RB1: variants seen among roughly 807,000 people sequenced by gnomAD.
The protein encoded by RB1 is retinoblastoma-associated protein.
Under a neutral mutation model 135.4 loss-of-function variants are expected in RB1, and 18 were observed. The observed-to-expected ratio is 0.13, with a 90% CI of 0.09 to 0.20. The LOEUF is 0.20. RB1 is among the 10% of genes least tolerant of loss of function. The pLI is 1.00. For synonymous variants in RB1, 365 were observed against 373.2 expected (o/e 0.98, Z 0.25); for missense variants, 868 against 1,110.0 (o/e 0.78, Z 3.10).
chr13:48,477,867 T>A (rs1949513514), intron 26 of RB1, among the ~76,000 whole-genome samples: 1 of 152,190 alleles, frequency 6.6e-6, no homozygotes. Flanking sequence ...TTTCCATTAC[T>A]GGAAATCAGA....
intron 23 of RB1, among the ~76,000 whole-genome samples, chr13:48,465,918 A>G (rs544187327): frequency 2.7e-5 from 4 of 147,786 alleles, no homozygotes; most frequent in South Asian, 2.3e-4. Context: ...CGCCCACGGA[A>G]TCTCGCTGAT....
intron 17 of RB1, among the ~76,000 whole-genome samples, chr13:48,395,468 G>C (rs894317154): frequency 1.3e-5 from 2 of 152,088 alleles, no homozygotes; most frequent in Admixed American, 6.5e-5. Context: ...ATGCAAGGAA[G>C]CTAAGAACTT....
Position 48,349,006 on chromosome 13 carries a change from C to T in RB1, c.590C>T (p.Thr197Ile). The T allele has an allele frequency of 6.3e-7, 1 of 1,598,828 alleles. No individual in the cohort carries two copies. The highest frequency in any genetic ancestry group is 8.5e-7 in the Non-Finnish European group (1 of 1,170,134). Residue 197 changes from threonine to isoleucine, a missense_variant, in exon 6 of 27, where the codon ACA becomes ATA. Thr to Ile is a moderately conservative substitution (Grantham distance 89). Around this residue, in one of 3 missense-constraint regions of RB1, gnomAD observed 641 missense variants for 791.3 expected, o/e 0.81. Coordinates refer to ENST00000267163, the MANE Select transcript of RB1 (RefSeq NM_000321.3). The part of the protein sequence containing the change: ...SALVLKVSWI[T>I]FLLAKGEVLQ... Reference sequence around the variant, plus strand: ...TTGGTGCTAAAAGTTTCTTGGATCACATTTTTATTAGCTAAAGGTAAGTTC... The same window carrying T: ...TTGGTGCTAAAAGTTTCTTGGATCATATTTTTATTAGCTAAAGGTAAGTTC...
chr13:48,437,510 G>A (rs1949195930), intron 17 of RB1, among the ~76,000 whole-genome samples: 1 of 152,188 alleles, frequency 6.6e-6, no homozygotes. Flanking sequence ...CCTCATGAGA[G>A]ATTCTTAAAT....
At position 48,380,096 on chromosome 13, in the gene RB1, A is replaced by C. The variant is rs748107130; in HGVS notation, c.1421+12A>C. 1 of 1,404,668 alleles carries C rather than the reference A, an allele frequency of 7.1e-7. No homozygotes were observed. Among genetic ancestry groups the C allele is most frequent in the South Asian group, 1.4e-5 (1 of 72,536 alleles). The allele number at this position is 1,404,668 out of a possible 1,614,324, so 87.0% of individuals were successfully genotyped here. ...ATTCAAAATTTTAGGTAAATTTTTT[A>C]CTTTTAGTAAAAAATTTTTTTCTTT... On this transcript the variant is annotated intron_variant, in intron 15 of 26. Transcript: ENST00000267163.
intron 17 of RB1, among the ~76,000 whole-genome samples, chr13:48,424,372 A>G (rs1319546782): frequency 6.6e-6 from 1 of 152,172 alleles, no homozygotes; most frequent in African/African-American, 2.4e-5. Context: ...CCCAAGTTCA[A>G]AGAGTTGAAC....
intron 2 of RB1, among the ~76,000 whole-genome samples, chr13:48,321,646 A>G (rs1261279910): frequency 6.6e-6 from 1 of 152,092 alleles, no homozygotes; most frequent in Non-Finnish European, 1.5e-5. Context: ...ACCTGAGGTC[A>G]GGAGTTCGAG....
At chr13:48,426,704 G>T (rs1949084466) in intron 17 of RB1, 2 of 152,176 alleles carry the variant, frequency 1.3e-5, no homozygotes, top group Non-Finnish European at 2.9e-5. Flanking sequence ...TCGAATCCTA[G>T]TTTCTTGACT....
rs530961288 is a variant in RB1 at position 48,303,942 on chromosome 13, C to T, written c.30C>T (p.Ala10=). The change falls in exon 1 of 27, where the codon GCC becomes GCT. Residue 10 remains alanine (A), a synonymous_variant. Transcript: ENST00000267163. ...CGCCCAAAACCCCCCGAAAAACGGC[C>T]GCCACCGCCGCCGCTGCCGCCGCGG... MPPKTPRKT[A]ATAAAAAAEP... is the part of the protein sequence containing the mutation. The T allele has an allele frequency of 2.7e-6, 4 of 1,509,364 alleles. No homozygotes were observed. Among genetic ancestry groups the T allele is most frequent in the South Asian group, 1.2e-5 (1 of 81,418 alleles). 93.5% of individuals were successfully genotyped at this position (1,509,364 alleles called of 1,614,324 possible).
At chr13:48,387,678 A>G (rs1054825908) in intron 17 of RB1, among the ~76,000 whole-genome samples, 1 of 152,192 alleles carries the variant, frequency 6.6e-6, no homozygotes, top group African/African-American at 2.4e-5. Flanking sequence ...ACTAAAAACT[A>G]TTGAATTGTA....
chr13:48,339,341 G>A (rs566744130), intron 2 of RB1, among the ~76,000 whole-genome samples: 19 of 152,310 alleles, frequency 1.2e-4, no homozygotes, highest in South Asian at 4.1e-4. Context: ...CTTCCTGGCC[G>A]CTTTGTTTAC....
intron 2 of RB1, chr13:48,328,292 T>A (rs1952304846): frequency 3.8e-6 from 6 of 1,590,490 alleles, no homozygotes; most frequent in Non-Finnish European, 5.2e-6. Flanking sequence ...CTGCTGCTAC[T>A]GAAAGAGTTT....
At chr13:48,394,768 C>T (rs549601781) in intron 17 of RB1, among the ~76,000 whole-genome samples, 3 of 152,328 alleles carry the variant, frequency 2.0e-5, no homozygotes, top group South Asian at 2.1e-4. Flanking sequence ...AGATAAAACT[C>T]CCATCTACCT....
At chr13:48,473,859 A>T (rs1949487901) in intron 24 of RB1, among the ~76,000 whole-genome samples, 1 of 152,170 alleles carries the variant, frequency 6.6e-6, no homozygotes, top group Non-Finnish European at 1.5e-5. Flanking sequence ...GACACCAGTC[A>T]CAAGTGTCAG....
chr13:48,319,512 C>T lies in RB1; in HGVS notation c.264+12106C>T. ...TTTATTCTGTGGTGCTTCTGAAGGG[C>T]TGCAGGGGGCTGCTGGCTTCGGGCT... On this transcript the variant is annotated intron_variant, in intron 2 of 26. Transcript: ENST00000267163. The surrounding 1 kb of genome is among the most constrained non-coding windows in gnomAD (Gnocchi z 5.0). The T allele has an allele frequency of 3.6e-6, 1 of 277,782 alleles. No homozygotes were observed. The highest frequency in any genetic ancestry group is 7.0e-6 in the Non-Finnish European group (1 of 142,328). The allele number at this position is 277,782 out of a possible 1,614,324, so 17.2% of individuals were successfully genotyped here.
At chr13:48,452,075 A>AT (rs1163463756) in intron 17 of RB1, among the ~76,000 whole-genome samples, 9 of 151,858 alleles carry the variant, frequency 5.9e-5, no homozygotes, top group East Asian at 1.9e-4. Context: ...GGATTCATTG[A>AT]TTTTTTAAGG....
At chr13:48,327,202 A>G (rs573920357) in intron 2 of RB1, among the ~76,000 whole-genome samples, 53 of 150,304 alleles carry the variant, frequency 3.5e-4, no homozygotes, top group African/African-American at 1.2e-3. Context: ...TTTGGTGTTT[A>G]TACCTTTTAA....
At chr13:48,425,713 C>T (rs756882414) in intron 17 of RB1, among the ~76,000 whole-genome samples, 1 of 152,092 alleles carries the variant, frequency 6.6e-6, no homozygotes, top group Non-Finnish European at 1.5e-5. Context: ...ATGACATGAC[C>T]TTGAGCAAAT....
chr13:48,414,662 A>G (rs571248886), intron 17 of RB1, among the ~76,000 whole-genome samples: 115 of 152,266 alleles, frequency 7.6e-4, no homozygotes, highest in Non-Finnish European at 1.3e-3. Context: ...AACTTATTAC[A>G]GTAAAATGTT....
Sources: gnomAD v4.1 joint callset for allele counts (sites outside exome capture counted in the v4.1 genomes callset) on GRCh38, gnomAD v4.1.1 for gene constraint, gnomAD v4.1.1 regional missense constraint, Gnocchi (gnomAD v3.1) non-coding constraint, MANE v1.5 for transcripts, NCBI Gene and HGNC (gene_info 2026-07-23, HGNC 2026-07-21) for gene names.